The following ABCB5 variants were observed in gnomAD, a reference collection of about 807,000 sequenced individuals.
ABCB5 encodes ATP-binding cassette sub-family B member 5.
Under a neutral mutation model 144.2 loss-of-function variants are expected in ABCB5, and 155 were observed. The observed-to-expected ratio is 1.08, with a 90% CI of 0.94 to 1.23. The LOEUF (loss-of-function observed/expected upper bound fraction) is 1.23. Ranked by LOEUF, ABCB5 falls within the 50% of genes most tolerant of loss-of-function variation. ABCB5 has a pLI of 0.00. For missense variants in ABCB5, 1,830 were observed against 1,520.8 expected, an observed-to-expected ratio of 1.20 and a Z score of -3.38; for synonymous variants, 610 against 528.6, an observed-to-expected ratio of 1.15 and a Z score of -2.11.
chr7:20,679,278 G>A (rs1168563800), intron 14 of ABCB5, among the ~76,000 whole-genome samples: 1 of 151,844 alleles, frequency 6.6e-6, no homozygotes, highest in Non-Finnish European at 1.5e-5. Flanking sequence ...GATCAGCCTG[G>A]CCAACATGGT....
chr7:20,670,800 T>G (rs992493998), intron 14 of ABCB5, among the ~76,000 whole-genome samples: 1 of 152,236 alleles, frequency 6.6e-6, no homozygotes, highest in Non-Finnish European at 1.5e-5. Context: ...TCCCAGCTAC[T>G]TGGGAGGCTG....
chr7:20,700,676 T>C (rs1198967532), intron 19 of ABCB5, among the ~76,000 whole-genome samples: 1 of 152,152 alleles, frequency 6.6e-6, no homozygotes, highest in African/African-American at 2.4e-5. Flanking sequence ...GTGAAATAAC[T>C]AAAAATAGGT....
chr7:20,752,567 G>A (rs1782963580), intron 26 of ABCB5, among the ~76,000 whole-genome samples: 1 of 152,200 alleles, frequency 6.6e-6, no homozygotes, highest in African/African-American at 2.4e-5. Flanking sequence ...ACGCCAACCT[G>A]GCCAGGCGCG....
intron 16 of ABCB5, among the ~76,000 whole-genome samples, chr7:20,694,176 A>C (rs1286683581): frequency 6.6e-6 from 1 of 151,942 alleles, no homozygotes; most frequent in Non-Finnish European, 1.5e-5. Context: ...TTACAAAAAA[A>C]ATAAAATTAT....
intron 14 of ABCB5, among the ~76,000 whole-genome samples, chr7:20,680,321 G>T (rs1785747425): frequency 6.6e-6 from 1 of 152,200 alleles, no homozygotes; most frequent in Non-Finnish European, 1.5e-5. Context: ...CACTTTGGGA[G>T]GCCGAGGCGG....
chr7:20,651,223 T>C (rs912429372), intron 12 of ABCB5, among the ~76,000 whole-genome samples, 197 bp from the exon 13 acceptor site: 1 of 152,216 alleles, frequency 6.6e-6, no homozygotes, highest in Non-Finnish European at 1.5e-5. Context: ...AATTATTCTT[T>C]TGCAGTTTTG....
At chr7:20,753,550 A>T in intron 27 of ABCB5, 44 bp downstream of exon 27, 1 of 1,575,332 alleles carries the variant, frequency 6.3e-7, no homozygotes, top group Non-Finnish European at 8.6e-7. Flanking sequence ...ACCAAATATA[A>T]GCATCCAATA....
chr7:20,654,410 C>T (rs1784700992), intron 13 of ABCB5, among the ~76,000 whole-genome samples: 2 of 152,156 alleles, frequency 1.3e-5, no homozygotes, highest in African/African-American at 4.8e-5. Flanking sequence ...GACAAATCCA[C>T]AACTTTAGTT....
At chr7:20,744,017 C>T (rs1459435642) in intron 25 of ABCB5, among the ~76,000 whole-genome samples, 1 of 152,120 alleles carries the variant, frequency 6.6e-6, no homozygotes, top group Non-Finnish European at 1.5e-5. Context: ...CCCACGTCAT[C>T]ATGCACTGTG....
intron 20 of ABCB5, among the ~76,000 whole-genome samples, chr7:20,713,272 T>A (rs1413934394): frequency 6.7e-6 from 1 of 149,284 alleles, no homozygotes; most frequent in Non-Finnish European, 1.5e-5. Flanking sequence ...CTCATTTTGT[T>A]ACCCAGGCTC....
At chr7:20,752,538 G>C (rs1024541319) in intron 26 of ABCB5, among the ~76,000 whole-genome samples, 11 of 152,186 alleles carry the variant, frequency 7.2e-5, no homozygotes, top group Non-Finnish European at 1.3e-4. Context: ...GCCTGAAAAG[G>C]TGAATAGACT....
At chr7:20,717,512 G>A (rs1781714719) in intron 20 of ABCB5, among the ~76,000 whole-genome samples, 1 of 146,254 alleles carries the variant, frequency 6.8e-6, no homozygotes, top group African/African-American at 2.5e-5. Flanking sequence ...GCGTTATGTT[G>A]GCTCACTGCA....
chr7:20,733,781 G>A (rs1218868771), intron 23 of ABCB5, among the ~76,000 whole-genome samples: 1 of 151,988 alleles, frequency 6.6e-6, no homozygotes, highest in African/African-American at 2.4e-5. Flanking sequence ...TGGGACTACA[G>A]GCACATGTCA....
In ABCB5 at chr7:20,681,056, CTCTCTTTCTTTCTTTCTT is replaced by C. The variant is rs1562559100; in HGVS notation, c.1708-445_1708-428del. ...TTTCTCTTTCTTTCTTTCTCTCTCT[CTCTCTTTCTTTCTTTCTT>C]TCTTTCTTTCTTTCTTTCTTTCTTT... On this transcript the variant is annotated intron_variant, in intron 14 of 27. Coordinates refer to ENST00000404938, the MANE Select transcript of ABCB5 (RefSeq NM_001163941.2). Among the ~76,000 whole-genome samples the C allele has an allele frequency of 2.3e-3, 120 of 51,314 alleles. 7 individuals carry two copies. The highest frequency in any genetic ancestry group is 7.1e-3 in the African/African-American group (101 of 14,140). The allele number at this position is 51,314 out of a possible 152,430, so 33.7% of individuals were successfully genotyped here.
rs545291869 is a variant in ABCB5 at position 20,619,863 on chromosome 7, A to C, written c.-21-3402A>C. 3.9e-5 allele frequency among the ~76,000 whole-genome samples: 6 copies of C among 152,328 alleles called. No homozygotes were observed. The South Asian group carries it at 1.2e-3, about 32-fold the overall frequency. On this transcript the variant is annotated intron_variant, in intron 1 of 27. Transcript: ENST00000404938. Reference sequence around the variant, plus strand: ...TGAGTTAATTTTTATCTATGGTGAAATGTAGGGGTCCAGTTTCATTCTTCT... The same window carrying C: ...TGAGTTAATTTTTATCTATGGTGAACTGTAGGGGTCCAGTTTCATTCTTCT...
chr7:20,689,762 C>G (rs1165786743), intron 16 of ABCB5, among the ~76,000 whole-genome samples: 1 of 152,272 alleles, frequency 6.6e-6, no homozygotes, highest in African/African-American at 2.4e-5. Flanking sequence ...TTTGCGGCAC[C>G]CTCTACTGAC....
rs1282513041 is a variant in ABCB5 at position 20,615,703 on chromosome 7, G to A, written c.-156G>A. On this transcript the variant is annotated 5_prime_UTR_variant, in exon 1 of 28. Transcript: ENST00000404938. ...AATCCACAAGCCAGACTAGAAGGCT[G>A]GAAATTCTGGCAAAAAATTGATACC... 6.6e-6 allele frequency: 1 copy of A among 151,818 alleles called. No homozygotes were observed. The highest frequency in any genetic ancestry group is 1.9e-4 in the East Asian group (1 of 5,180). 9.4% of individuals were successfully genotyped at this position (151,818 alleles called of 1,614,324 possible).
chr7:20,619,385 TG>T (rs1317337608), intron 1 of ABCB5, among the ~76,000 whole-genome samples: 23 of 152,148 alleles, frequency 1.5e-4, no homozygotes, highest in African/African-American at 5.3e-4. Flanking sequence ...CCATTCTGAT[TG>T]GTGTGAAGTG....
intron 14 of ABCB5, among the ~76,000 whole-genome samples, chr7:20,669,842 G>T (rs748847537): frequency 2.0e-5 from 3 of 149,580 alleles, no homozygotes; most frequent in South Asian, 2.1e-4. Context: ...TTGCCTTCGC[G>T]GTTGTCAGGT....
Sources: allele counts gnomAD v4.1 joint callset (sites outside exome capture counted in the v4.1 genomes callset), GRCh38; gene constraint gnomAD v4.1.1; transcripts MANE v1.5; gene names NCBI Gene and HGNC (gene_info 2026-07-23, HGNC 2026-07-21).